The following CDKAL1 variants were observed in gnomAD, a reference collection of about 807,000 sequenced individuals.
The protein encoded by CDKAL1 is CDKAL1 threonylcarbamoyladenosine tRNA methylthiotransferase, also known as threonylcarbamoyladenosine tRNA methylthiotransferase.
CDKAL1 carries 32 observed loss-of-function variants against 68.2 expected under a neutral mutation model. The observed-to-expected ratio is 0.47, with a 90% CI of 0.35 to 0.63. The LOEUF is 0.63. Among genes scored for constraint, CDKAL1 ranks in the 30% least tolerant of loss-of-function variants. The pLI is 0.00. For synonymous variants in CDKAL1, 234 were observed against 244.3 expected, an observed-to-expected ratio of 0.96 and a Z score of 0.39; for missense variants, 606 against 696.7, an observed-to-expected ratio of 0.87 and a Z score of 1.47.
intron 4 of CDKAL1, among the ~76,000 whole-genome samples, chr6:20,584,012 A>T (rs1364926950): frequency 6.6e-6 from 1 of 151,086 alleles, no homozygotes; most frequent in African/African-American, 2.4e-5. Flanking sequence ...CCTTTAATGA[A>T]TGTCAGCTAT....
intron 9 of CDKAL1, among the ~76,000 whole-genome samples, chr6:20,890,903 G>A (rs1245029885): frequency 1.3e-5 from 2 of 152,252 alleles, no homozygotes; most frequent in South Asian, 2.1e-4. Context: ...TATTTATGAA[G>A]CAATTACCAT....
Position 20,635,931 on chromosome 6 carries a change from G to A in CDKAL1, c.287-13362G>A, listed in dbSNP as rs189467621. Among the ~76,000 whole-genome samples the A allele has an allele frequency of 5.3e-5, 8 of 152,300 alleles. No homozygotes were observed. In the East Asian group the frequency reaches 1.5e-3, roughly 29 times the overall value. On this transcript the variant is annotated intron_variant, in intron 4 of 15. Transcript: ENST00000274695. ...TTGAAGAAGAGTGGAGAGCCATGGAGAAATATGGTAGGGTAAAAGAGTGTG... is the reference window on the plus strand; with the variant it reads ...TTGAAGAAGAGTGGAGAGCCATGGAAAAATATGGTAGGGTAAAAGAGTGTG...
chr6:21,040,016 T>C (rs1403319556), intron 11 of CDKAL1, among the ~76,000 whole-genome samples: 1 of 152,224 alleles, frequency 6.6e-6, no homozygotes, highest in Non-Finnish European at 1.5e-5. Flanking sequence ...TTATTTTTAG[T>C]ACTGACCTTT....
At chr6:21,147,456 C>T (rs1176505557) in intron 13 of CDKAL1, among the ~76,000 whole-genome samples, 2 of 152,084 alleles carry the variant, frequency 1.3e-5, no homozygotes. Context: ...CACACAAAGG[C>T]TTAGAGGTGG....
chr6:20,750,859 G>C (rs750531206), intron 6 of CDKAL1, among the ~76,000 whole-genome samples: 1 of 142,938 alleles, frequency 7.0e-6, no homozygotes, highest in Non-Finnish European at 1.5e-5. Flanking sequence ...AGCTACTCAG[G>C]AGGCTGAGGC....
chr6:20,736,492 C>T (rs771565271), intron 5 of CDKAL1, among the ~76,000 whole-genome samples: 9 of 152,070 alleles, frequency 5.9e-5, no homozygotes, highest in South Asian at 2.1e-4. Context: ...ATCTTCCGGC[C>T]GGGGGCGGTG....
intron 9 of CDKAL1, among the ~76,000 whole-genome samples, chr6:20,912,437 A>G (rs969633022): frequency 3.9e-5 from 6 of 152,118 alleles, no homozygotes; most frequent in Admixed American, 3.3e-4. Flanking sequence ...TCAGGCCTTC[A>G]GTTCCTAAGC....
At chr6:20,992,196 TTATA>T (rs973247441) in intron 10 of CDKAL1, among the ~76,000 whole-genome samples, 1 of 141,014 alleles carries the variant, frequency 7.1e-6, no homozygotes, top group Non-Finnish European at 1.5e-5. Context: ...GTCAGCTTTT[TTATA>T]TATATATATA....
chr6:20,822,882 C>T (rs1777344138), intron 8 of CDKAL1, among the ~76,000 whole-genome samples: 1 of 152,158 alleles, frequency 6.6e-6, no homozygotes. Flanking sequence ...ATAAATTACC[C>T]AGTCTCTGGC....
intron 4 of CDKAL1, among the ~76,000 whole-genome samples, chr6:20,554,962 T>G (rs1169041123): frequency 6.6e-6 from 1 of 152,260 alleles, no homozygotes; most frequent in Admixed American, 6.5e-5. Context: ...CTTACCTAAG[T>G]CAGAATAGAG....
At chr6:20,870,579 G>T (rs1199921511) in intron 9 of CDKAL1, among the ~76,000 whole-genome samples, 1 of 152,074 alleles carries the variant, frequency 6.6e-6, no homozygotes, top group African/African-American at 2.4e-5. Flanking sequence ...TGTTTTCAAA[G>T]CATTAAAATA....
chr6:21,201,572 G>A (rs1350271673), intron 15 of CDKAL1, among the ~76,000 whole-genome samples: 1 of 152,308 alleles, frequency 6.6e-6, no homozygotes, highest in East Asian at 1.9e-4. Flanking sequence ...ATCTGATCCA[G>A]TATGTTTCTA....
intron 6 of CDKAL1, among the ~76,000 whole-genome samples, chr6:20,750,735 G>A (rs1280574863): frequency 4.0e-5 from 6 of 151,864 alleles, no homozygotes; most frequent in Non-Finnish European, 7.4e-5. Context: ...AGGCCGAGGC[G>A]GGCAGATCAC....
chr6:20,568,505 C>T (rs1348461544), intron 4 of CDKAL1, among the ~76,000 whole-genome samples: 1 of 151,694 alleles, frequency 6.6e-6, no homozygotes, highest in African/African-American at 2.4e-5. Context: ...GAGGCCGAGG[C>T]GGGCGGATCA....
chr6:20,906,234 GT>G lies in CDKAL1; in HGVS notation c.743-49173del, dbSNP rs765965960. Among the ~76,000 whole-genome samples, 75 of 145,854 alleles carry G rather than the reference GT, an allele frequency of 5.1e-4. 1 individual carries two copies. Among genetic ancestry groups the G allele is most frequent in the South Asian group, 1.7e-3 (8 of 4,594 alleles). On this transcript the variant is annotated intron_variant, in intron 9 of 15. Coordinates refer to ENST00000274695, the MANE Select transcript of CDKAL1 (RefSeq NM_017774.3). ...TAATTTAAGAGACTAATGCATTTAA[GT>G]TTTTTTTTTTTAATTTATGTTTTCG...
chr6:20,739,776 G>C (rs9465875), intron 6 of CDKAL1, among the ~76,000 whole-genome samples, 161 bp downstream of exon 6: 48,311 of 152,036 alleles, frequency 0.32, 8,384 homozygotes, highest in Non-Finnish European at 0.4. Context: ...TCATTTCTGT[G>C]TAACTTTTTC....
At chr6:20,811,097 A>C (rs1581625969) in intron 8 of CDKAL1, among the ~76,000 whole-genome samples, 1 of 152,210 alleles carries the variant, frequency 6.6e-6, no homozygotes. Context: ...ACCCTAATGT[A>C]CAGCTCTTTT....
intron 13 of CDKAL1, among the ~76,000 whole-genome samples, chr6:21,173,012 CTT>C (rs202066238): frequency 3.7e-4 from 52 of 138,776 alleles, no homozygotes; most frequent in Admixed American, 1.9e-3. Context: ...TGTCTTTTAT[CTT>C]TTTTTTTTTT....
intron 12 of CDKAL1, among the ~76,000 whole-genome samples, chr6:21,081,141 T>C (rs1419673737): frequency 2.0e-5 from 3 of 152,210 alleles, no homozygotes; most frequent in Non-Finnish European, 4.4e-5. Flanking sequence ...TTATGATTAA[T>C]TTTTTGCCTT....
Sources: gnomAD v4.1 joint callset for allele counts (sites outside exome capture counted in the v4.1 genomes callset) on GRCh38, gnomAD v4.1.1 for gene constraint, MANE v1.5 for transcripts, NCBI Gene and HGNC (gene_info 2026-07-23, HGNC 2026-07-21) for gene names.